The following TOX2 variants were observed in gnomAD, a reference collection of about 807,000 sequenced individuals.
TOX2 encodes TOX high mobility group box family member 2, also known as granulosa cell HMG box 1.
In TOX2, 15 loss-of-function variants were observed where a neutral mutation model predicts 47.4. That is an observed-to-expected ratio of 0.32 (90% CI 0.21 to 0.49). The LOEUF (loss-of-function observed/expected upper bound fraction) is 0.49, where lower values mean the gene tolerates loss of function less well. Among genes scored for constraint, TOX2 ranks in the 20% least tolerant of loss-of-function variants. The probability of loss-of-function intolerance (pLI) is 0.99; values close to 1 mark genes in which losing one functional copy is unlikely to be tolerated. For missense variants in TOX2, 622 were observed against 673.1 expected, an observed-to-expected ratio of 0.92 and a Z score of 0.84; for synonymous variants, 290 against 296.6, an observed-to-expected ratio of 0.98 and a Z score of 0.23.
At position 44,043,536 on chromosome 20, in the gene TOX2, T is replaced by G. The variant is rs115430418; in HGVS notation, c.412-7770T>G. Among the ~76,000 whole-genome samples, 1,202 of 152,352 alleles carry G rather than the reference T, an allele frequency of 7.9e-3. 15 individuals carry two copies. Among genetic ancestry groups the G allele is most frequent in the African/African-American group, 0.027 (1,102 of 41,572 alleles). On this transcript the variant is annotated intron_variant, in intron 3 of 8. Coordinates refer to ENST00000341197, the MANE Select transcript of TOX2 (RefSeq NM_001098797.2). ...TGTGTCCTTCTGAAACTATCTTCAC[T>G]GGTTATTGTCTTTGAGTTCATCTGC... is the stretch of plus-strand genomic sequence containing the variant.
At chr20:43,948,691 G>A (rs963403291) in intron 1 of TOX2, among the ~76,000 whole-genome samples, 8 of 152,214 alleles carry the variant, frequency 5.3e-5, no homozygotes, top group Non-Finnish European at 1.0e-4. Flanking sequence ...TGCCATCTCC[G>A]TCTAGCCAGG....
chr20:43,959,743 C>T (rs2069726894), intron 1 of TOX2, among the ~76,000 whole-genome samples: 1 of 152,200 alleles, frequency 6.6e-6, no homozygotes, highest in South Asian at 2.1e-4. Flanking sequence ...TAGTTAATTG[C>T]CTTTGGTAAG....
intron 3 of TOX2, among the ~76,000 whole-genome samples, chr20:44,007,829 A>G (rs1356964874): frequency 6.6e-6 from 1 of 152,088 alleles, no homozygotes; most frequent in East Asian, 1.9e-4. Context: ...AAGAAACATC[A>G]TATTTTTGGC....
intron 3 of TOX2, among the ~76,000 whole-genome samples, chr20:44,017,320 A>T (rs1388922793): frequency 6.6e-6 from 1 of 152,180 alleles, no homozygotes; most frequent in Non-Finnish European, 1.5e-5. Context: ...GCTGTGGACG[A>T]TTGAAAGATG....
At chr20:44,049,240 T>G (rs764918042) in intron 3 of TOX2, among the ~76,000 whole-genome samples, 1 of 152,308 alleles carries the variant, frequency 6.6e-6, no homozygotes, top group East Asian at 1.9e-4. Flanking sequence ...AGGTAAGGAA[T>G]CTAAAGAATA....
intron 1 of TOX2, among the ~76,000 whole-genome samples, chr20:43,944,961 G>A (rs1569019692): frequency 6.6e-6 from 1 of 152,174 alleles, no homozygotes; most frequent in African/African-American, 2.4e-5. Flanking sequence ...GCATTTGTGC[G>A]AAAGCTAATG....
chr20:44,066,609 G>A, intron 7 of TOX2, 121 bp from the exon 8 acceptor site: 1 of 1,467,546 alleles, frequency 6.8e-7, no homozygotes, highest in Non-Finnish European at 9.5e-7. Context: ...CAGCAGCCCT[G>A]GAGGCAGCAT....
At chr20:44,045,343 A>G (rs898934275) in intron 3 of TOX2, among the ~76,000 whole-genome samples, 5 of 83,764 alleles carry the variant, frequency 6.0e-5, no homozygotes, top group African/African-American at 1.9e-4. Flanking sequence ...TAGAGCTTAC[A>G]AAGTTGTAAA....
At chr20:44,040,546 A>C (rs2071314920) in intron 3 of TOX2, among the ~76,000 whole-genome samples, 1 of 152,198 alleles carries the variant, frequency 6.6e-6, no homozygotes, top group Non-Finnish European at 1.5e-5. Context: ...ATTATGGGCA[A>C]GTCTCTTGGC....
chr20:44,025,765 G>A (rs2145667923), intron 3 of TOX2, among the ~76,000 whole-genome samples: 1 of 151,848 alleles, frequency 6.6e-6, no homozygotes, highest in South Asian at 2.1e-4. Context: ...AGGAGAGCAG[G>A]GACCTTGGGG....
intron 1 of TOX2, among the ~76,000 whole-genome samples, chr20:43,933,197 A>G (rs901244620): frequency 6.6e-6 from 1 of 152,236 alleles, no homozygotes; most frequent in East Asian, 1.9e-4. Flanking sequence ...TCATTTCTGT[A>G]GCTGCAATAC....
At chr20:44,058,990 T>C (rs557264286) in intron 5 of TOX2, among the ~76,000 whole-genome samples, 2 of 152,146 alleles carry the variant, frequency 1.3e-5, no homozygotes, top group East Asian at 3.9e-4. Flanking sequence ...CCCCAAAAGA[T>C]AACACTAGCT....
intron 1 of TOX2, chr20:43,946,080 C>T: frequency 6.2e-7 from 1 of 1,608,302 alleles, no homozygotes. Flanking sequence ...TGGAGGTGGT[C>T]AGGCCGTCAC....
At chr20:44,024,250 T>A (rs1486082315) in intron 3 of TOX2, among the ~76,000 whole-genome samples, 1 of 152,214 alleles carries the variant, frequency 6.6e-6, no homozygotes, top group African/African-American at 2.4e-5. Flanking sequence ...GCTAAAGTCA[T>A]ATATTGGTGG....
intron 3 of TOX2, among the ~76,000 whole-genome samples, chr20:44,015,453 G>C (rs962068275): frequency 6.6e-6 from 1 of 152,136 alleles, no homozygotes; most frequent in Non-Finnish European, 1.5e-5. Context: ...GGCTCTGAAA[G>C]GTTGAAAGAT....
intron 3 of TOX2, among the ~76,000 whole-genome samples, chr20:44,026,125 G>A (rs1016669464): frequency 1.3e-5 from 2 of 151,344 alleles, no homozygotes; most frequent in Non-Finnish European, 2.9e-5. Flanking sequence ...AAAAGGGGCT[G>A]GGGATAATGA....
At chr20:43,952,410 A>G (rs1250482295) in intron 1 of TOX2, among the ~76,000 whole-genome samples, 1 of 152,110 alleles carries the variant, frequency 6.6e-6, no homozygotes, top group Non-Finnish European at 1.5e-5. Context: ...ATCATAAGGA[A>G]GGCTTATTTT....
At chr20:43,991,366 C>T (rs1180457709) in intron 2 of TOX2, among the ~76,000 whole-genome samples, 1 of 152,210 alleles carries the variant, frequency 6.6e-6, no homozygotes, top group African/African-American at 2.4e-5. Context: ...TTAGGATGTT[C>T]ATTCATTCAT....
At chr20:43,978,497 A>G (rs927937491) in intron 2 of TOX2, among the ~76,000 whole-genome samples, 16 of 147,018 alleles carry the variant, frequency 1.1e-4, no homozygotes, top group African/African-American at 4.2e-4. Context: ...ATTTTTTACC[A>G]TATATAATGC....
Sources: allele counts gnomAD v4.1 joint callset (sites outside exome capture counted in the v4.1 genomes callset), GRCh38; gene constraint gnomAD v4.1.1; transcripts MANE v1.5; gene names NCBI Gene and HGNC (gene_info 2026-07-23, HGNC 2026-07-21).